The following APP variants were observed in gnomAD, a reference collection of about 807,000 sequenced individuals.
APP encodes amyloid-beta precursor protein.
In APP, 31 loss-of-function variants were observed where a neutral mutation model predicts 101.4. The observed-to-expected ratio is 0.31, with a 90% confidence interval of 0.23 to 0.41. APP has a LOEUF of 0.41. Among genes scored for constraint, APP ranks in the 10% least tolerant of loss-of-function variants. The pLI is 1.00. For missense variants in APP, 839 were observed against 1,003.7 expected (o/e 0.84, Z 2.22); for synonymous variants, 366 against 364.4 (o/e 1.00, Z -0.05).
In APP at chr21:25,950,561, T is replaced by C. The variant is rs557495094; in HGVS notation, c.1687+4029A>G. ...CATGCCTGGCTAATCTTTCTATTTT[T>C]AGTAGAGATGGGGTTTCACCATGTT... On this transcript the variant is annotated intron_variant, in intron 13 of 17. Transcript: ENST00000346798. Among the ~76,000 whole-genome samples the C allele has an allele frequency of 1.8e-3, 270 of 152,186 alleles. 1 individual carries two copies. The highest frequency in any genetic ancestry group is 6.8e-3 in the Middle Eastern group (2 of 294).
intron 2 of APP, among the ~76,000 whole-genome samples, chr21:26,095,478 T>C (rs994918158): frequency 3.3e-5 from 5 of 152,222 alleles, no homozygotes; most frequent in African/African-American, 1.2e-4. Flanking sequence ...AGAGTAGTGA[T>C]GGTGGCGTAG....
At chr21:25,882,660 C>A (rs1016119822) in intron 17 of APP, among the ~76,000 whole-genome samples, 4 of 151,910 alleles carry the variant, frequency 2.6e-5, no homozygotes, top group African/African-American at 7.3e-5. Context: ...TACCTCTCCC[C>A]GTTCGCAGAA....
At chr21:26,023,403 G>A (rs2044432731) in intron 5 of APP, among the ~76,000 whole-genome samples, 1 of 150,392 alleles carries the variant, frequency 6.6e-6, no homozygotes, top group South Asian at 2.1e-4. Context: ...AGCCAGGCAT[G>A]GTGGTGTGCA....
At chr21:26,140,907 T>C (rs1378598251) in intron 1 of APP, among the ~76,000 whole-genome samples, 2 of 152,214 alleles carry the variant, frequency 1.3e-5, no homozygotes, top group Non-Finnish European at 2.9e-5. Flanking sequence ...AACCGGATTA[T>C]AAGAAACAAT....
At chr21:25,964,606 C>CTTTTTT (rs150904952) in intron 11 of APP, among the ~76,000 whole-genome samples, 33 of 122,538 alleles carry the variant, frequency 2.7e-4, no homozygotes, top group African/African-American at 3.3e-4. Context: ...TTTTTCTTTT[C>CTTTTTT]TTTTTTTTTT....
intron 3 of APP, 195 bp downstream of exon 3, chr21:26,089,748 C>T (rs531277208): frequency 3.0e-6 from 2 of 660,344 alleles, no homozygotes; most frequent in Admixed American, 3.1e-5. Context: ...CATTCTGAGG[C>T]AGGGAACTCA....
chr21:26,138,152 C>T (rs1461000675), intron 1 of APP, among the ~76,000 whole-genome samples: 1 of 152,024 alleles, frequency 6.6e-6, no homozygotes, highest in Non-Finnish European at 1.5e-5. Context: ...AACCTATGAA[C>T]AGAAGTAAAA....
At chr21:25,958,404 G>A (rs2041419148) in intron 11 of APP, among the ~76,000 whole-genome samples, 1 of 152,132 alleles carries the variant, frequency 6.6e-6, no homozygotes, top group African/African-American at 2.4e-5. Context: ...AGTCTCCTGA[G>A]TAGCTGGGAC....
chr21:25,883,047 C>T (rs1416983168), intron 17 of APP, among the ~76,000 whole-genome samples: 2 of 152,100 alleles, frequency 1.3e-5, no homozygotes, highest in South Asian at 2.1e-4. Flanking sequence ...CATGAGGTCT[C>T]GAGATGGAGC....
chr21:25,954,488 C>G, intron 13 of APP, 102 bp downstream of exon 13: 1 of 1,046,100 alleles, frequency 9.6e-7, no homozygotes, highest in Non-Finnish European at 1.5e-6. Context: ...GCAAGCTGTT[C>G]TATTAACTTC....
chr21:26,069,449 C>T (rs2046588419), intron 3 of APP, among the ~76,000 whole-genome samples: 1 of 152,142 alleles, frequency 6.6e-6, no homozygotes, highest in South Asian at 2.1e-4. Context: ...GCACTCTCTG[C>T]AGTTATCAGG....
chr21:26,168,547 C>T (rs961359375), intron 1 of APP, among the ~76,000 whole-genome samples: 10 of 152,294 alleles, frequency 6.6e-5, no homozygotes, highest in Admixed American at 5.2e-4. Flanking sequence ...AATCTGCCTA[C>T]ATGCTTCCTC....
At chr21:25,892,016 A>G (rs1298131975) in intron 16 of APP, 148 bp from the exon 17 acceptor site, 2 of 705,110 alleles carry the variant, frequency 2.8e-6, no homozygotes, top group South Asian at 1.9e-5. Context: ...TCTCTGCCCA[A>G]CTGGTTGGTC....
intron 3 of APP, among the ~76,000 whole-genome samples, chr21:26,080,714 G>A (rs981828716): frequency 1.5e-4 from 23 of 150,020 alleles, no homozygotes; most frequent in Admixed American, 4.7e-4. Flanking sequence ...AGGTTGCAGT[G>A]AGCCAAGATC....
intron 11 of APP, among the ~76,000 whole-genome samples, chr21:25,971,354 A>G (rs754427743): frequency 1.3e-5 from 2 of 152,222 alleles, no homozygotes; most frequent in South Asian, 2.1e-4. Context: ...CATAAACAAC[A>G]TTTCTGCAAG....
At chr21:25,913,981 C>A (rs2039212749) in intron 13 of APP, among the ~76,000 whole-genome samples, 1 of 152,134 alleles carries the variant, frequency 6.6e-6, no homozygotes. Flanking sequence ...ATATTTCCAA[C>A]AGTTTGCTGG....
At chr21:25,990,067 C>G (rs1160690458) in intron 8 of APP, among the ~76,000 whole-genome samples, 1 of 152,032 alleles carries the variant, frequency 6.6e-6, no homozygotes, top group African/African-American at 2.4e-5. Context: ...TTGTGATCCT[C>G]CAGTGTAATA....
chr21:26,049,943 G>A (rs1263510456), intron 5 of APP, among the ~76,000 whole-genome samples: 1 of 152,192 alleles, frequency 6.6e-6, no homozygotes. Context: ...GTAAATGAAG[G>A]TAACTAGGAA....
chr21:26,036,474 T>C (rs1336479108), intron 5 of APP, among the ~76,000 whole-genome samples: 1 of 152,206 alleles, frequency 6.6e-6, no homozygotes, highest in Admixed American at 6.5e-5. Context: ...GTCTGGATTC[T>C]TGAGCCCAGA....
Sources: allele counts gnomAD v4.1 joint callset (sites outside exome capture counted in the v4.1 genomes callset), GRCh38; gene constraint gnomAD v4.1.1; transcripts MANE v1.5; gene names NCBI Gene and HGNC (gene_info 2026-07-23, HGNC 2026-07-21).